ASTN1: variants seen among roughly 807,000 people sequenced by gnomAD.
The protein encoded by ASTN1 is astrotactin-1.
A neutral mutation model predicts 140.7 loss-of-function variants in ASTN1; 41 were observed. That is an observed-to-expected ratio of 0.29 (90% CI 0.23 to 0.38). The LOEUF (loss-of-function observed/expected upper bound fraction) is 0.38. ASTN1 is among the 10% of genes least tolerant of loss of function. ASTN1 has a pLI of 1.00. For synonymous variants in ASTN1, 640 were observed against 652.2 expected (o/e 0.98, Z 0.29); for missense variants, 1,479 against 1,678.8 (o/e 0.88, Z 2.08).
intron 21 of ASTN1, among the ~76,000 whole-genome samples, chr1:176,873,665 C>T (rs898054243): frequency 2.6e-5 from 4 of 152,140 alleles, no homozygotes; most frequent in Non-Finnish European, 5.9e-5. Flanking sequence ...TATTAATTAG[C>T]AAGGATACCC....
intron 16 of ASTN1, among the ~76,000 whole-genome samples, chr1:176,924,324 T>C (rs893834213): frequency 1.3e-5 from 2 of 152,220 alleles, no homozygotes; most frequent in Admixed American, 1.3e-4. Flanking sequence ...TTCATCTGCC[T>C]GGATTGTTCT....
At chr1:176,902,062 G>A (rs1453935854) in intron 16 of ASTN1, among the ~76,000 whole-genome samples, 1 of 152,144 alleles carries the variant, frequency 6.6e-6, no homozygotes, top group Non-Finnish European at 1.5e-5. Context: ...GTATCTATAG[G>A]TACTGTAAGG....
At chr1:176,954,910 C>A (rs1241350675) in intron 11 of ASTN1, among the ~76,000 whole-genome samples, 1 of 152,210 alleles carries the variant, frequency 6.6e-6, no homozygotes, top group South Asian at 2.1e-4. Flanking sequence ...GCAATTAACC[C>A]TGTGGGAGTC....
At chr1:177,095,051 A>T (rs934175662) in intron 1 of ASTN1, among the ~76,000 whole-genome samples, 7 of 152,212 alleles carry the variant, frequency 4.6e-5, no homozygotes, top group African/African-American at 7.2e-5. Context: ...GTGTCCCAGT[A>T]TTTTGTAGAA....
In ASTN1 at chr1:176,943,826, T is replaced by A. The variant is rs111808853; in HGVS notation, c.2377+65A>T. ...CAAAATAAGTGAGGTCAAATCTTAATTTTATGAAACTGCAGGGAGCTGCCT... is the reference window on the plus strand; with the variant it reads ...CAAAATAAGTGAGGTCAAATCTTAAATTTATGAAACTGCAGGGAGCTGCCT... On this transcript the variant is annotated intron_variant, in intron 14 of 22. Coordinates refer to ENST00000361833, the MANE Select transcript of ASTN1 (RefSeq NM_004319.3). 3.4e-4 allele frequency: 511 copies of A among 1,504,456 alleles called. 4 individuals carry two copies. The African/African-American group carries it at 6.2e-3, about 18-fold the overall frequency. 93.2% of individuals were successfully genotyped at this position (1,504,456 alleles called of 1,614,324 possible).
rs148328689 is a variant in ASTN1 at position 177,032,657 on chromosome 1, C to T, written c.664G>A (p.Val222Met). 4 of 1,614,160 alleles carry T rather than the reference C, an allele frequency of 2.5e-6. No individual in the cohort carries two copies. In the Admixed American group the frequency reaches 5.0e-5, roughly 20 times the overall value. Residue 222 changes from valine (V) to methionine (M), a missense_variant, in exon 3 of 23, where the codon GTG becomes ATG. By Grantham distance (21) the Val-to-Met change is conservative. This residue lies in a region of ASTN1 where 729 missense variants were observed against 860.4 expected (regional missense o/e 0.85). Coordinates refer to ENST00000361833, the MANE Select transcript of ASTN1 (RefSeq NM_004319.3). Reference protein sequence around the residue: ...HGRESLRNARVQGHNSSGTLS... With the variant: ...HGRESLRNARMQGHNSSGTLS... The stretch of plus-strand genomic sequence containing the variant: ...GTGCCACTGGAGTTGTGGCCCTGCA[C>T]GCGGGCATTGCGCAGGCTCTCCCGT...
chr1:176,971,057 A>G (rs1673122413), intron 8 of ASTN1, among the ~76,000 whole-genome samples: 1 of 152,164 alleles, frequency 6.6e-6, no homozygotes. Flanking sequence ...GGGATATTAT[A>G]TTTATATGTA....
At chr1:176,999,767 C>T (rs1264095548) in intron 8 of ASTN1, among the ~76,000 whole-genome samples, 6 of 152,020 alleles carry the variant, frequency 3.9e-5, no homozygotes, top group African/African-American at 1.5e-4. Flanking sequence ...ATATTGTTCT[C>T]GGGATAGTGA....
At chr1:177,149,662 TATAGTAAATATATATACACTGTATATAC>T (rs1558131565) in intron 1 of ASTN1, among the ~76,000 whole-genome samples, 1 of 74,956 alleles carries the variant, frequency 1.3e-5, no homozygotes, top group African/African-American at 1.0e-4. Flanking sequence ...ACTGTATATA[TATAGTAAATATATATACACTGTATATAC>T]ATAGTAAATA....
Position 176,964,249 on chromosome 1 carries a change from C to T in ASTN1, c.1598+914G>A, listed in dbSNP as rs139940119. Among the ~76,000 whole-genome samples, 149 of 152,284 alleles carry T rather than the reference C, an allele frequency of 9.8e-4. 1 individual carries two copies. Among genetic ancestry groups the T allele is most frequent in the Non-Finnish European group, 2.0e-3 (136 of 68,022 alleles). On this transcript the variant is annotated intron_variant, in intron 9 of 22. Coordinates refer to ENST00000361833, the MANE Select transcript of ASTN1 (RefSeq NM_004319.3). ...GTATGGATACAAGTCTTCCATTTGT[C>T]CTACGCTGCTCACCATTTGTCCAGA...
chr1:176,894,250 A>G (rs1669394657), intron 17 of ASTN1, among the ~76,000 whole-genome samples: 1 of 152,180 alleles, frequency 6.6e-6, no homozygotes, highest in South Asian at 2.1e-4. Flanking sequence ...CCAAGGCACG[A>G]GGGTTCTCTG....
chr1:177,080,155 T>C (rs919883871), intron 1 of ASTN1, among the ~76,000 whole-genome samples: 1 of 151,510 alleles, frequency 6.6e-6, no homozygotes, highest in African/African-American at 2.4e-5. Context: ...AAAAAATCAA[T>C]TGGGAACGTA....
chr1:177,150,546 G>GCATTGAAA (rs748598508), intron 1 of ASTN1, among the ~76,000 whole-genome samples: 10 of 152,238 alleles, frequency 6.6e-5, no homozygotes, highest in South Asian at 4.1e-4. Flanking sequence ...AATAAAAGTG[G>GCATTGAAA]CATTGAAACT....
intron 1 of ASTN1, among the ~76,000 whole-genome samples, chr1:177,153,733 A>G (rs1373523313): frequency 1.3e-5 from 2 of 152,216 alleles, no homozygotes; most frequent in East Asian, 1.9e-4. Context: ...CAAACAAAAA[A>G]CAAGCAAACA....
At position 176,924,192 on chromosome 1, in the gene ASTN1, C is replaced by CT. The variant is rs558795732; in HGVS notation, c.2671+9959dup. Among the ~76,000 whole-genome samples the CT allele has an allele frequency of 2.8e-4, 42 of 152,276 alleles. 1 individual carries two copies. Among genetic ancestry groups the CT allele is most frequent in the South Asian group, 1.7e-3 (8 of 4,826 alleles). On this transcript the variant is annotated intron_variant, in intron 16 of 22. Transcript: ENST00000361833. ...ACCCCATCCAGGGATCTAGGCTTCTCTTTTTTCCACAGTCATGTTGGTTAT... is the reference window on the plus strand; with the variant it reads ...ACCCCATCCAGGGATCTAGGCTTCTCTTTTTTTCCACAGTCATGTTGGTTAT...
intron 5 of ASTN1, among the ~76,000 whole-genome samples, chr1:177,026,932 G>A (rs772873291): frequency 2.0e-5 from 3 of 152,128 alleles, no homozygotes; most frequent in South Asian, 4.1e-4. Context: ...AGACCAGGAT[G>A]TTGCTCTTTT....
At chr1:177,136,123 G>C (rs933683537) in intron 1 of ASTN1, among the ~76,000 whole-genome samples, 1 of 152,102 alleles carries the variant, frequency 6.6e-6, no homozygotes, top group Non-Finnish European at 1.5e-5. Flanking sequence ...TGAATAATTT[G>C]CTCTTTGTTT....
chr1:176,948,247 G>A (rs1169985024), intron 12 of ASTN1, among the ~76,000 whole-genome samples: 23 of 151,190 alleles, frequency 1.5e-4, no homozygotes, highest in Admixed American at 1.5e-3. Context: ...CACAGTTTGT[G>A]GCATAAAGTA....
At chr1:176,992,425 TTTGCCTTGAACG>T (rs1364264796) in intron 8 of ASTN1, among the ~76,000 whole-genome samples, 4 of 151,474 alleles carry the variant, frequency 2.6e-5, no homozygotes, top group Non-Finnish European at 5.9e-5. Context: ...AAAAAAAAAA[TTTGCCTTGAACG>T]TTGTAAAAAA....
Sources: gnomAD v4.1 joint callset for allele counts (sites outside exome capture counted in the v4.1 genomes callset) on GRCh38, gnomAD v4.1.1 for gene constraint, gnomAD v4.1.1 regional missense constraint, MANE v1.5 for transcripts, NCBI Gene and HGNC (gene_info 2026-07-23, HGNC 2026-07-21) for gene names.